Variants in IMMP2L observed in about 807,000 individuals in gnomAD.
The protein encoded by IMMP2L is inner mitochondrial membrane peptidase subunit 2.
A neutral mutation model predicts 19.3 loss-of-function variants in IMMP2L; 18 were observed. The observed-to-expected ratio is 0.93, with a 90% CI of 0.64 to 1.38. IMMP2L has a LOEUF of 1.38. IMMP2L is among the 40% of genes most tolerant of loss of function. The probability of loss-of-function intolerance (pLI) is 0.00; values close to 1 mark genes in which losing one functional copy is unlikely to be tolerated. For missense variants in IMMP2L, 233 were observed against 218.2 expected (o/e 1.07, Z -0.43); for synonymous variants, 76 against 73.0 (o/e 1.04, Z -0.21).
chr7:111,502,340 A>G (rs1386385795), intron 2 of IMMP2L, among the ~76,000 whole-genome samples: 3 of 152,142 alleles, frequency 2.0e-5, no homozygotes, highest in African/African-American at 4.8e-5. Context: ...GTGACCTACA[A>G]AGAGACTTAG....
intron 3 of IMMP2L, among the ~76,000 whole-genome samples, chr7:111,092,138 G>A (rs1002511333): frequency 3.3e-5 from 5 of 152,116 alleles, no homozygotes; most frequent in African/African-American, 4.8e-5. Flanking sequence ...TACATCTTAC[G>A]GACTGGGGTA....
intron 5 of IMMP2L, among the ~76,000 whole-genome samples, chr7:110,808,799 T>G (rs1431742799): frequency 6.6e-6 from 1 of 152,074 alleles, no homozygotes; most frequent in Non-Finnish European, 1.5e-5. Context: ...GAAAACTGGA[T>G]GAAATGATTT....
chr7:111,154,901 C>A (rs769961201), intron 3 of IMMP2L, among the ~76,000 whole-genome samples: 2 of 151,892 alleles, frequency 1.3e-5, no homozygotes, highest in Non-Finnish European at 2.9e-5. Flanking sequence ...GGGACTACAG[C>A]CCTGCCCCAC....
intron 5 of IMMP2L, among the ~76,000 whole-genome samples, chr7:110,865,848 AT>A (rs57942504): frequency 1.0e-3 from 154 of 147,058 alleles, no homozygotes; most frequent in East Asian, 2.8e-3. Flanking sequence ...CTCCAAACTA[AT>A]TTTTTTTTTT....
chr7:111,378,893 A>G (rs1009193565), intron 3 of IMMP2L, among the ~76,000 whole-genome samples: 2 of 151,906 alleles, frequency 1.3e-5, no homozygotes, highest in Admixed American at 6.6e-5. Flanking sequence ...ACAGGTTAGT[A>G]TACTCTCTTA....
chr7:110,669,274 C>G (rs911127366), intron 5 of IMMP2L, among the ~76,000 whole-genome samples: 3 of 152,018 alleles, frequency 2.0e-5, no homozygotes, highest in African/African-American at 7.2e-5. Context: ...GCTGGTGAAC[C>G]AGGAAGAGTC....
At chr7:111,202,052 G>A (rs1810197733) in intron 3 of IMMP2L, among the ~76,000 whole-genome samples, 1 of 152,096 alleles carries the variant, frequency 6.6e-6, no homozygotes, top group African/African-American at 2.4e-5. Flanking sequence ...TAATTTCAAA[G>A]CCCATCTTTT....
At chr7:111,047,267 C>T (rs1305416332) in intron 3 of IMMP2L, among the ~76,000 whole-genome samples, 7 of 151,938 alleles carry the variant, frequency 4.6e-5, no homozygotes, top group African/African-American at 1.7e-4. Flanking sequence ...TGGCTCACCA[C>T]AACCTTGCCT....
At chr7:110,752,923 G>A (rs921448513) in intron 5 of IMMP2L, among the ~76,000 whole-genome samples, 5 of 152,054 alleles carry the variant, frequency 3.3e-5, no homozygotes, top group African/African-American at 1.2e-4. Flanking sequence ...CAATGAAGAA[G>A]TAAATACAAG....
chr7:111,197,369 A>G (rs1393908039), intron 3 of IMMP2L, among the ~76,000 whole-genome samples: 1 of 152,122 alleles, frequency 6.6e-6, no homozygotes, highest in East Asian at 1.9e-4. Context: ...AGGCTGAGGC[A>G]GGAGAACGGC....
At chr7:111,163,040 G>C (rs186351480) in intron 3 of IMMP2L, among the ~76,000 whole-genome samples, 81 of 152,108 alleles carry the variant, frequency 5.3e-4, no homozygotes, top group African/African-American at 1.9e-3. Context: ...AGTTGCTTTA[G>C]AAAGCTTGCA....
chr7:111,370,641 G>C (rs1830181390), intron 3 of IMMP2L, among the ~76,000 whole-genome samples: 1 of 151,890 alleles, frequency 6.6e-6, no homozygotes, highest in Non-Finnish European at 1.5e-5. Context: ...AGCATAATTA[G>C]TAGCACTACC....
At chr7:111,446,593 C>T (rs937514708) in intron 3 of IMMP2L, among the ~76,000 whole-genome samples, 11 of 151,804 alleles carry the variant, frequency 7.2e-5, no homozygotes, top group African/African-American at 2.7e-4. Context: ...TAGATAAAAC[C>T]ACAAAGATGG....
chr7:111,260,146 C>G (rs983036160), intron 3 of IMMP2L, among the ~76,000 whole-genome samples: 5 of 152,140 alleles, frequency 3.3e-5, no homozygotes, highest in African/African-American at 1.2e-4. Context: ...AAGCCAGTAA[C>G]AGTTATTTGT....
At chr7:111,179,621 T>TA in intron 3 of IMMP2L, among the ~76,000 whole-genome samples, 1 of 152,038 alleles carries the variant, frequency 6.6e-6, no homozygotes, top group Non-Finnish European at 1.5e-5. Context: ...GGCTTCAACT[T>TA]AAAGTCATCA....
chr7:110,963,807 A>G (rs1265007263), intron 3 of IMMP2L, among the ~76,000 whole-genome samples: 1 of 152,046 alleles, frequency 6.6e-6, no homozygotes, highest in East Asian at 1.9e-4. Context: ...AATAAAAAAT[A>G]CAGAGGAATA....
At chr7:110,965,260 AG>A (rs1231364777) in intron 3 of IMMP2L, among the ~76,000 whole-genome samples, 1 of 152,098 alleles carries the variant, frequency 6.6e-6, no homozygotes, top group Non-Finnish European at 1.5e-5. Flanking sequence ...TTTAAATTCA[AG>A]TCACATTTTG....
At chr7:111,492,060 A>G (rs1233400536) in intron 2 of IMMP2L, among the ~76,000 whole-genome samples, 5 of 152,072 alleles carry the variant, frequency 3.3e-5, no homozygotes, top group African/African-American at 1.2e-4. Flanking sequence ...GATTATTTCT[A>G]TAATAATATT....
At chr7:111,450,014 C>T (rs1199931789) in intron 3 of IMMP2L, among the ~76,000 whole-genome samples, 2 of 150,564 alleles carry the variant, frequency 1.3e-5, no homozygotes, top group Non-Finnish European at 3.0e-5. Flanking sequence ...GGATGTGAAG[C>T]ACCTCTTCAA....
Sources: gnomAD v4.1 joint callset for allele counts (sites outside exome capture counted in the v4.1 genomes callset) on GRCh38, gnomAD v4.1.1 for gene constraint, MANE v1.5 for transcripts, NCBI Gene and HGNC (gene_info 2026-07-23, HGNC 2026-07-21) for gene names.